Variants in ZNF385D observed in about 807,000 individuals in gnomAD.
ZNF385D encodes zinc finger protein 659.
Under a neutral mutation model 35.8 loss-of-function variants are expected in ZNF385D, and 15 were observed. That is an observed-to-expected ratio of 0.42 (90% CI 0.28 to 0.64). The LOEUF (loss-of-function observed/expected upper bound fraction) is 0.64, where lower values mean the gene tolerates loss of function less well. Ranked by LOEUF, ZNF385D falls within the 30% of genes least tolerant of loss-of-function variation. ZNF385D has a pLI of 0.23. For missense variants in ZNF385D, 474 were observed against 494.6 expected, an observed-to-expected ratio of 0.96 and a Z score of 0.39; for synonymous variants, 212 against 186.8, an observed-to-expected ratio of 1.13 and a Z score of -1.10.
At chr3:21,713,281 C>G (rs962961581) in intron 1 of ZNF385D, among the ~76,000 whole-genome samples, 6 of 152,188 alleles carry the variant, frequency 3.9e-5, no homozygotes, top group Non-Finnish European at 5.9e-5. Context: ...TGCAGACCTG[C>G]ACTTGTCCAT....
At chr3:22,043,976 A>G (rs1001758998) in intron 3 of ZNF385D, among the ~76,000 whole-genome samples, 1 of 152,142 alleles carries the variant, frequency 6.6e-6, no homozygotes, top group Admixed American at 6.6e-5. Context: ...TTGAGAATAA[A>G]AAAAGGAACA....
At position 21,907,813 on chromosome 3, in the gene ZNF385D, T is replaced by C. The variant is rs1472773392; in HGVS notation, c.326-242785A>G. Among the ~76,000 whole-genome samples the C allele has an allele frequency of 2.0e-5, 3 of 152,236 alleles. No homozygotes were observed. In the East Asian group the frequency reaches 5.8e-4, roughly 29 times the overall value. On this transcript the variant is annotated intron_variant, in intron 3 of 5. Transcript: ENST00000494108. ...TTTTACTACAGATTGTTCACATCAC[T>C]GCACCCTCCAGATTAAGCTCTGAGA...
intron 2 of ZNF385D, among the ~76,000 whole-genome samples, chr3:22,363,187 C>G (rs1023819281): frequency 4.0e-5 from 2 of 49,610 alleles, no homozygotes; most frequent in African/African-American, 9.7e-5. Flanking sequence ...ACTACTGCCA[C>G]CTTAGAGGTA....
rs35411100 is a variant in ZNF385D at position 21,705,105 on chromosome 3, G to GT, written c.23-40078dup. On this transcript the variant is annotated intron_variant, in intron 1 of 7. Transcript: ENST00000281523. ...TGTTTGAAGAAAAGCCAAAAAGCTT[G>GT]TTTTTTCCATGTTAAAATCTATTCA... Among the ~76,000 whole-genome samples, 7 of 152,242 alleles carry GT rather than the reference G, an allele frequency of 4.6e-5. No individual in the cohort carries two copies. The South Asian group carries it at 8.3e-4, about 18-fold the overall frequency.
At chr3:21,607,945 A>C (rs1488350865) in intron 2 of ZNF385D, among the ~76,000 whole-genome samples, 1 of 151,548 alleles carries the variant, frequency 6.6e-6, no homozygotes, top group Non-Finnish European at 1.5e-5. Flanking sequence ...TTATATAATC[A>C]AATCTGAATT....
intron 3 of ZNF385D, among the ~76,000 whole-genome samples, chr3:22,017,243 A>G (rs1200511947): frequency 1.3e-5 from 2 of 152,078 alleles, no homozygotes; most frequent in Non-Finnish European, 2.9e-5. Flanking sequence ...TGTGAAGTGT[A>G]CATCTGGTTA....
At chr3:21,711,000 T>G (rs2068078853) in intron 1 of ZNF385D, among the ~76,000 whole-genome samples, 2 of 150,830 alleles carry the variant, frequency 1.3e-5, no homozygotes, top group Admixed American at 6.6e-5. Flanking sequence ...TTGAGCAACT[T>G]AAACCTCTCT....
intron 3 of ZNF385D, among the ~76,000 whole-genome samples, chr3:22,113,323 G>T (rs111730300): frequency 2.0e-5 from 3 of 152,144 alleles, no homozygotes; most frequent in Admixed American, 2.0e-4. Context: ...AGGAAAGCAG[G>T]CTTTAGGAAA....
At chr3:22,088,786 A>G (rs147837620) in intron 3 of ZNF385D, among the ~76,000 whole-genome samples, 1,600 of 152,288 alleles carry the variant, frequency 0.011, 20 homozygotes, top group African/African-American at 0.036. Context: ...ACAACACTGC[A>G]GTAAGATTCA....
intron 2 of ZNF385D, among the ~76,000 whole-genome samples, chr3:22,323,984 T>C (rs1198983371): frequency 6.6e-6 from 1 of 152,176 alleles, no homozygotes; most frequent in Non-Finnish European, 1.5e-5. Flanking sequence ...GAGCTCATGG[T>C]CCAATATTAG....
rs1272241766 is a variant in ZNF385D, at chr3:22,230,274, A to G, written c.107-61239T>C. 2.0e-5 allele frequency among the ~76,000 whole-genome samples: 3 copies of G among 152,182 alleles called. No homozygotes were observed. The East Asian group carries it at 5.8e-4, about 29-fold the overall frequency. On this transcript the variant is annotated intron_variant, in intron 2 of 5. Coordinates refer to the ZNF385D transcript ENST00000494108. Reference sequence around the variant, plus strand: ...ATGATTCTGTATAATGATATTTTACAATTGGATTTATCCTATAAAAAAAGA... The same window carrying G: ...ATGATTCTGTATAATGATATTTTACGATTGGATTTATCCTATAAAAAAAGA...
chr3:21,431,594 A>T (rs1337926784), intron 5 of ZNF385D, among the ~76,000 whole-genome samples: 1 of 152,180 alleles, frequency 6.6e-6, no homozygotes, highest in Non-Finnish European at 1.5e-5. Context: ...CTGCCATTTT[A>T]GATAGTACAG....
rs6767098 is a variant in ZNF385D, at chr3:21,742,500, C to T, written c.22+8395G>A. 6.8e-3 allele frequency among the ~76,000 whole-genome samples: 1,031 copies of T among 152,180 alleles called. 4 individuals are homozygous for T. Among genetic ancestry groups the T allele is most frequent in the South Asian group, 0.014 (68 of 4,820 alleles). On this transcript the variant is annotated intron_variant, in intron 1 of 7. Coordinates refer to ENST00000281523, the MANE Select transcript of ZNF385D (RefSeq NM_024697.3). ...TCTTGCTCTTCCTCTAAGCTACAGA[C>T]GTAGAGGCTAAAGCCTGCAGGATAC...
intron 2 of ZNF385D, among the ~76,000 whole-genome samples, chr3:21,608,539 C>T (rs2064566046): frequency 6.6e-6 from 1 of 152,128 alleles, no homozygotes; most frequent in Admixed American, 6.5e-5. Context: ...ACTTCCTCTG[C>T]TGTATAATAT....
At chr3:22,201,296 G>T (rs1696781717) in intron 2 of ZNF385D, among the ~76,000 whole-genome samples, 1 of 151,924 alleles carries the variant, frequency 6.6e-6, no homozygotes, top group African/African-American at 2.4e-5. Context: ...CGCAACACAA[G>T]ATGACAAAGT....
intron 3 of ZNF385D, among the ~76,000 whole-genome samples, chr3:22,101,435 G>A (rs144906823): frequency 7.9e-5 from 12 of 152,182 alleles, no homozygotes; most frequent in Non-Finnish European, 1.5e-4. Flanking sequence ...CTGTGTGCTG[G>A]ATGTTCTCAG....
chr3:21,939,032 T>C (rs1030662633), intron 3 of ZNF385D, among the ~76,000 whole-genome samples: 16 of 152,290 alleles, frequency 1.1e-4, no homozygotes, highest in Admixed American at 5.2e-4. Flanking sequence ...GGATGTCACA[T>C]TGATGGGGCA....
At chr3:21,872,853 G>A (rs1008207278) in intron 3 of ZNF385D, among the ~76,000 whole-genome samples, 2 of 152,028 alleles carry the variant, frequency 1.3e-5, no homozygotes, top group South Asian at 4.1e-4. Context: ...AGTATTAAGG[G>A]TATACAGTTG....
rs530844202 is a variant in ZNF385D, at chr3:22,348,589, C to A, written c.106+23861G>T. Among the ~76,000 whole-genome samples, 15 of 147,758 alleles carry A rather than the reference C, an allele frequency of 1.0e-4. No individual in the cohort carries two copies. The East Asian group carries it at 2.9e-3, about 29-fold the overall frequency. ...TGAGGCAGGAGAATTGCCTGAACCC[C>A]GGGAGGTGGAAGTTGCGGTGAGCCG... On this transcript the variant is annotated intron_variant, in intron 2 of 5. Coordinates refer to the ZNF385D transcript ENST00000494108.
Sources: allele counts gnomAD v4.1 joint callset (sites outside exome capture counted in the v4.1 genomes callset), GRCh38; gene constraint gnomAD v4.1.1; transcripts MANE v1.5; gene names NCBI Gene and HGNC (gene_info 2026-07-23, HGNC 2026-07-21).